KIAA1328: variants seen among roughly 807,000 people sequenced by gnomAD.
KIAA1328 encodes protein hinderin.
Under a neutral mutation model 68.1 loss-of-function variants are expected in KIAA1328, and 52 were observed. The observed-to-expected ratio is 0.76, with a 90% CI of 0.61 to 0.96. The LOEUF (loss-of-function observed/expected upper bound fraction) is 0.96. Ranked by LOEUF, KIAA1328 falls within the 40% of genes least tolerant of loss-of-function variation. The probability of loss-of-function intolerance (pLI) is 0.00; values close to 1 mark genes in which losing one functional copy is unlikely to be tolerated. For missense variants in KIAA1328, 641 were observed against 677.6 expected, an observed-to-expected ratio of 0.95 and a Z score of 0.60; for synonymous variants, 232 against 239.4, an observed-to-expected ratio of 0.97 and a Z score of 0.28.
intron 7 of KIAA1328, among the ~76,000 whole-genome samples, chr18:37,087,832 C>G (rs2151822183): frequency 6.6e-6 from 1 of 152,306 alleles, no homozygotes; most frequent in East Asian, 1.9e-4. Context: ...GGGCTCATCA[C>G]TTGTTACATA....
intron 6 of KIAA1328, among the ~76,000 whole-genome samples, chr18:37,042,211 A>G (rs1019049140): frequency 2.6e-5 from 4 of 152,144 alleles, no homozygotes; most frequent in African/African-American, 9.7e-5. Flanking sequence ...TATTTATGTT[A>G]TAATCCCAAC....
At chr18:36,832,139 T>C (rs1299255744) in intron 1 of KIAA1328, among the ~76,000 whole-genome samples, 1 of 152,268 alleles carries the variant, frequency 6.6e-6, no homozygotes. Flanking sequence ...AGGAGGTAAA[T>C]ATTTGGGTTC....
chr18:37,227,967 G>A (rs1187181164), downstream of KIAA1328, among the ~76,000 whole-genome samples: 2 of 152,146 alleles, frequency 1.3e-5, no homozygotes, highest in Non-Finnish European at 2.9e-5. Context: ...ATGGGAGAAG[G>A]TCAAAATATC....
chr18:36,980,092 A>G (rs2052624196), intron 6 of KIAA1328, among the ~76,000 whole-genome samples: 1 of 152,210 alleles, frequency 6.6e-6, no homozygotes, highest in Admixed American at 6.5e-5. Flanking sequence ...TCAAAGTGCC[A>G]TCTTAGAAGC....
chr18:37,062,453 T>C (rs975862672), intron 6 of KIAA1328, among the ~76,000 whole-genome samples: 3 of 138,910 alleles, frequency 2.2e-5, no homozygotes, highest in African/African-American at 9.5e-5. Context: ...TTGTTTTTTG[T>C]TTTTGTTTTT....
At position 36,929,744 on chromosome 18, in the gene KIAA1328, G is replaced by A. The variant is rs557014188; in HGVS notation, c.449-29564G>A. Among the ~76,000 whole-genome samples the A allele has an allele frequency of 8.5e-5, 13 of 152,082 alleles. No individual in the cohort carries two copies. In the East Asian group the frequency reaches 2.3e-3, roughly 27 times the overall value. On this transcript the variant is annotated intron_variant, in intron 5 of 9. Coordinates refer to ENST00000280020, the MANE Select transcript of KIAA1328 (RefSeq NM_020776.3). Reference sequence around the variant, plus strand: ...CTCTTTCTCTGATGTGGAAATATAGGGCCTAGTTAGCAGTCTGCAGCCTGG... The same window carrying A: ...CTCTTTCTCTGATGTGGAAATATAGAGCCTAGTTAGCAGTCTGCAGCCTGG...
At chr18:36,992,341 G>A (rs757772624) in intron 6 of KIAA1328, among the ~76,000 whole-genome samples, 41 of 151,716 alleles carry the variant, frequency 2.7e-4, no homozygotes, top group African/African-American at 6.8e-4. Context: ...CTTGTACATC[G>A]TCTTCTAAAT....
intron 4 of KIAA1328, among the ~76,000 whole-genome samples, chr18:36,881,736 C>T (rs1434743000): frequency 1.3e-5 from 2 of 152,158 alleles, no homozygotes; most frequent in Non-Finnish European, 2.9e-5. Context: ...GTTTTTAAAA[C>T]TCAGCATAGT....
intron 7 of KIAA1328, among the ~76,000 whole-genome samples, chr18:37,151,813 A>G (rs1380206548): frequency 6.6e-6 from 1 of 152,190 alleles, no homozygotes; most frequent in Non-Finnish European, 1.5e-5. Context: ...TGGTATGAGA[A>G]GGGCATCCAT....
chr18:37,130,571 T>C (rs1228254168), intron 7 of KIAA1328, among the ~76,000 whole-genome samples: 1 of 151,998 alleles, frequency 6.6e-6, no homozygotes, highest in Admixed American at 6.6e-5. Context: ...TGAGCCAAGA[T>C]TGCTCCACTG....
intron 6 of KIAA1328, among the ~76,000 whole-genome samples, chr18:36,968,151 C>T (rs988467266): frequency 3.3e-5 from 5 of 152,118 alleles, no homozygotes; most frequent in African/African-American, 1.2e-4. Context: ...GAAAGACCAG[C>T]AACTGCAAAA....
chr18:36,897,671 A>G (rs1445908187), intron 5 of KIAA1328, among the ~76,000 whole-genome samples: 1 of 152,090 alleles, frequency 6.6e-6, no homozygotes, highest in African/African-American at 2.4e-5. Context: ...CTGTCTTACT[A>G]TAATATTCCC....
rs1358472391 is a variant in KIAA1328, at chr18:36,877,730, G to A, written c.333-7827G>A. Among the ~76,000 whole-genome samples the A allele has an allele frequency of 3.4e-5, 5 of 147,076 alleles. No homozygotes were observed. The South Asian group carries it at 6.5e-4, about 19-fold the overall frequency. On this transcript the variant is annotated intron_variant, in intron 4 of 9. Transcript: ENST00000280020. ...CGCCCAGGCTGGAGTGCAGTGGCGC[G>A]ATCTCGACTCACTGCAAGCTGTGCC...
intron 8 of KIAA1328, among the ~76,000 whole-genome samples, chr18:37,170,809 G>T (rs1435663697): frequency 6.6e-5 from 10 of 151,850 alleles, no homozygotes; most frequent in Non-Finnish European, 1.2e-4. Context: ...TTCCTTATCT[G>T]CAAATTTGTT....
chr18:36,869,637 CTTTCATAG>C (rs147470099), intron 4 of KIAA1328, among the ~76,000 whole-genome samples: 20,625 of 152,058 alleles, frequency 0.14, 1,711 homozygotes, highest in Admixed American at 0.18. Flanking sequence ...ATATTTTTCT[CTTTCATAG>C]TTTACTTTTT....
chr18:36,980,336 G>A (rs1452818045), intron 6 of KIAA1328, among the ~76,000 whole-genome samples: 5 of 152,160 alleles, frequency 3.3e-5, no homozygotes, highest in African/African-American at 1.2e-4. Context: ...TGAAGACCTA[G>A]TTCCCTTCCC....
intron 5 of KIAA1328, among the ~76,000 whole-genome samples, chr18:36,899,437 C>G (rs1481552570): frequency 6.6e-6 from 1 of 151,852 alleles, no homozygotes; most frequent in East Asian, 1.9e-4. Context: ...CAAGAGAAAA[C>G]TTGCCCGTTA....
chr18:37,169,533 G>A (rs76889146), intron 8 of KIAA1328, among the ~76,000 whole-genome samples: 3,847 of 152,142 alleles, frequency 0.025, 77 homozygotes, highest in Non-Finnish European at 0.041. Context: ...GTGTGTGTGT[G>A]TGTGTGTTTA....
rs1420904105 is a variant in KIAA1328 at position 37,225,236 on chromosome 18, G to A, written c.*3009G>A. On this transcript the variant is annotated 3_prime_UTR_variant, in exon 10 of 10. Coordinates refer to ENST00000280020, the MANE Select transcript of KIAA1328 (RefSeq NM_020776.3). ...CTGTGGCGGACTCCTTCCAACTCAC[G>A]ATTTATCCTCAGCTCAGAGTGTATT... is the stretch of plus-strand genomic sequence containing the variant. 8 of 985,310 alleles carry A rather than the reference G, an allele frequency of 8.1e-6. No individual in the cohort carries two copies. Among genetic ancestry groups the A allele is most frequent in the African/African-American group, 5.2e-5 (3 of 57,242 alleles). The allele number at this position is 985,310 out of a possible 1,614,324, so 61.0% of individuals were successfully genotyped here. A position where few individuals can be genotyped will look rare whatever the true frequency, so the allele number is the denominator to read the frequency against.
Sources: allele counts gnomAD v4.1 joint callset (sites outside exome capture counted in the v4.1 genomes callset), GRCh38; gene constraint gnomAD v4.1.1; transcripts MANE v1.5; gene names NCBI Gene and HGNC (gene_info 2026-07-23, HGNC 2026-07-21).